The following PDS5A variants were observed in gnomAD, a reference collection of about 807,000 sequenced individuals.
PDS5A encodes sister chromatid cohesion protein PDS5 homolog A.
Under a neutral mutation model 167.1 loss-of-function variants are expected in PDS5A, and 42 were observed. The ratio of observed to expected loss-of-function variants is 0.25; its 90% confidence interval spans 0.20 to 0.33. The LOEUF (loss-of-function observed/expected upper bound fraction) is 0.33. Among genes scored for constraint, PDS5A ranks in the 10% least tolerant of loss-of-function variants. The pLI is 1.00. For missense variants in PDS5A, 1,033 were observed against 1,605.9 expected (o/e 0.64, Z 6.10); for synonymous variants, 553 against 554.6 (o/e 1.00, Z 0.04).
chr4:39,850,774 T>C lies in PDS5A; in HGVS notation c.3087-1122A>G, dbSNP rs961319294. On this transcript the variant is annotated intron_variant, in intron 26 of 32. Transcript: ENST00000303538. ...AACACATTGTGTCTGAAGGGAACAT[T>C]TGAATTTCTAAGTAAAAGTGAACCC... 2.0e-5 allele frequency among the ~76,000 whole-genome samples: 3 copies of C among 152,228 alleles called. No homozygotes were observed. In the South Asian group the frequency reaches 6.2e-4, roughly 31 times the overall value.
At chr4:39,933,624 G>A (rs1204953575) in intron 2 of PDS5A, 1 of 151,576 alleles carries the variant, frequency 6.6e-6, no homozygotes, top group Non-Finnish European at 1.5e-5. Flanking sequence ...GACCCCAGAA[G>A]GCACCACATG....
rs74819261 is a variant in PDS5A, at chr4:39,955,252, A to G, written c.138+21188T>C. ...TTACCATGCTGAAAAATATACAAGG[A>G]AACAATACACGAATATGGACTTTGA... On this transcript the variant is annotated intron_variant, in intron 2 of 32. Coordinates refer to ENST00000303538, the MANE Select transcript of PDS5A (RefSeq NM_001100399.2). Among the ~76,000 whole-genome samples the G allele has an allele frequency of 5.9e-3, 902 of 152,216 alleles. 7 individuals are homozygous for G. Among genetic ancestry groups the G allele is most frequent in the African/African-American group, 0.02 (836 of 41,546 alleles).
chr4:39,911,381 G>A (rs1393200237), intron 9 of PDS5A, among the ~76,000 whole-genome samples: 2 of 142,590 alleles, frequency 1.4e-5, no homozygotes, highest in Admixed American at 7.1e-5. Context: ...GGGCGATGAA[G>A]TAAGACTCCG....
chr4:39,914,403 A>G (rs1056930818), intron 8 of PDS5A, among the ~76,000 whole-genome samples: 1 of 151,922 alleles, frequency 6.6e-6, no homozygotes, highest in African/African-American at 2.4e-5. Flanking sequence ...CTCGTGACCC[A>G]ACCACCTCGG....
intron 16 of PDS5A, among the ~76,000 whole-genome samples, chr4:39,896,417 C>G (rs1722418174): frequency 6.7e-6 from 1 of 148,208 alleles, no homozygotes; most frequent in Non-Finnish European, 1.5e-5. Flanking sequence ...TTGTGTACAG[C>G]TGTACACAAA....
At chr4:39,855,130 G>A (rs1258922174) in intron 26 of PDS5A, among the ~76,000 whole-genome samples, 1 of 152,164 alleles carries the variant, frequency 6.6e-6, no homozygotes, top group African/African-American at 2.4e-5. Flanking sequence ...CACCTGTGCA[G>A]AACTCTGGAA....
chr4:39,877,259 T>C (rs2271838), intron 18 of PDS5A, 106 bp from the exon 19 acceptor site: 22,457 of 655,668 alleles, frequency 0.034, 1,229 homozygotes, highest in East Asian at 0.21. Context: ...GGGGTAAATA[T>C]GCTAGCTACA....
chr4:39,927,325 A>G (rs1725563492), intron 3 of PDS5A, among the ~76,000 whole-genome samples: 1 of 152,188 alleles, frequency 6.6e-6, no homozygotes, highest in Admixed American at 6.5e-5. Flanking sequence ...AGACTAGTCC[A>G]ATGGTTCTAT....
intron 5 of PDS5A, among the ~76,000 whole-genome samples, chr4:39,923,051 G>A (rs1292404354): frequency 1.3e-5 from 2 of 151,934 alleles, no homozygotes; most frequent in African/African-American, 2.4e-5. Context: ...GAAAAAGGCC[G>A]GGCACAGTGG....
chr4:39,893,593 G>A (rs1722151570), intron 16 of PDS5A, among the ~76,000 whole-genome samples: 1 of 152,138 alleles, frequency 6.6e-6, no homozygotes, highest in Non-Finnish European at 1.5e-5. Flanking sequence ...TTTTACATTT[G>A]CATTATTTTT....
intron 2 of PDS5A, chr4:39,973,550 A>G (rs985159048): frequency 1.1e-4 from 140 of 1,304,666 alleles, no homozygotes; most frequent in Non-Finnish European, 1.5e-4. Context: ...ACTAGTGCAA[A>G]GGCTATGATG....
intron 8 of PDS5A, 32 bp downstream of exon 8, chr4:39,917,016 A>T (rs10001599): frequency 0.35 from 321,733 of 921,460 alleles, 24,625 homozygotes; most frequent in East Asian, 0.48. Flanking sequence ...CAAAAAAATT[A>T]AAAAAAAAAA....
chr4:39,842,109 C>T, intron 30 of PDS5A, 53 bp from the exon 31 acceptor site: 2 of 1,132,352 alleles, frequency 1.8e-6, no homozygotes, highest in Non-Finnish European at 2.7e-6. Context: ...AGAAAGTTCA[C>T]TCTCTCACCG....
At chr4:39,970,960 T>G (rs575305263) in intron 2 of PDS5A, among the ~76,000 whole-genome samples, 1 of 151,066 alleles carries the variant, frequency 6.6e-6, no homozygotes, top group African/African-American at 2.5e-5. Flanking sequence ...TTTGTAGAGA[T>G]AGGTTTTTGT....
At chr4:39,962,336 G>A (rs547215619) in intron 2 of PDS5A, among the ~76,000 whole-genome samples, 290 of 152,046 alleles carry the variant, frequency 1.9e-3, no homozygotes, top group African/African-American at 6.5e-3. Flanking sequence ...GATTACAGGC[G>A]TAAGCCACCG....
intron 26 of PDS5A, among the ~76,000 whole-genome samples, chr4:39,860,894 A>AC (rs1209747014): frequency 1.3e-5 from 2 of 151,794 alleles, no homozygotes; most frequent in Non-Finnish European, 1.5e-5. Context: ...ACACAGTGAG[A>AC]CCCCATCTCT....
intron 2 of PDS5A, among the ~76,000 whole-genome samples, chr4:39,970,105 C>T (rs1730361723): frequency 6.6e-6 from 1 of 151,904 alleles, no homozygotes; most frequent in South Asian, 2.1e-4. Flanking sequence ...CCACCTTGGC[C>T]TCCCAAAGTG....
intron 2 of PDS5A, among the ~76,000 whole-genome samples, chr4:39,955,035 C>T (rs1234686786): frequency 6.6e-6 from 1 of 151,886 alleles, no homozygotes; most frequent in Non-Finnish European, 1.5e-5. Context: ...CAGAGCGAGA[C>T]CCTGTCACAA....
chr4:39,907,354 C>T (rs1425660558), intron 11 of PDS5A, among the ~76,000 whole-genome samples: 1 of 151,932 alleles, frequency 6.6e-6, no homozygotes, highest in African/African-American at 2.4e-5. Flanking sequence ...ATTTTAAAAC[C>T]CAAACCAATT....
Sources: gnomAD v4.1 joint callset for allele counts (sites outside exome capture counted in the v4.1 genomes callset) on GRCh38, gnomAD v4.1.1 for gene constraint, MANE v1.5 for transcripts, NCBI Gene and HGNC (gene_info 2026-07-23, HGNC 2026-07-21) for gene names.